The following TRIO variants were observed in gnomAD, a reference collection of about 807,000 sequenced individuals.
TRIO encodes triple functional domain protein.
Under a neutral mutation model 351.9 loss-of-function variants are expected in TRIO, and 58 were observed. That is an observed-to-expected ratio of 0.16 (90% CI 0.13 to 0.21). TRIO has a LOEUF of 0.21. Among genes scored for constraint, TRIO ranks in the 10% least tolerant of loss-of-function variants. The pLI, the probability that TRIO is intolerant of heterozygous loss-of-function variation, is 1.00. For missense variants in TRIO, 3,201 were observed against 4,027.8 expected (o/e 0.79, Z 5.56); for synonymous variants, 1,758 against 1,595.7 (o/e 1.10, Z -2.42).
chr5:14,214,110 A>G (rs1459235730), intron 1 of TRIO, among the ~76,000 whole-genome samples: 1 of 152,192 alleles, frequency 6.6e-6, no homozygotes, highest in Non-Finnish European at 1.5e-5. Context: ...GTTTACTGTC[A>G]TGTGCTCCTG....
intron 1 of TRIO, among the ~76,000 whole-genome samples, chr5:14,219,148 G>A (rs895003825): frequency 1.3e-5 from 2 of 152,156 alleles, no homozygotes; most frequent in Admixed American, 1.3e-4. Flanking sequence ...CAGAGCCAGT[G>A]GCATAAGAAA....
intron 9 of TRIO, among the ~76,000 whole-genome samples, chr5:14,328,248 T>C (rs1740576207): frequency 6.6e-6 from 1 of 152,178 alleles, no homozygotes; most frequent in African/African-American, 2.4e-5. Flanking sequence ...GTTAAAACAA[T>C]GTGCAAGTTA....
chr5:14,371,968 T>C (rs185289904), intron 18 of TRIO, among the ~76,000 whole-genome samples: 185 of 152,306 alleles, frequency 1.2e-3, no homozygotes, highest in African/African-American at 4.2e-3. Context: ...TACATGGTTT[T>C]AATTAAAATT....
chr5:14,225,795 C>CCG, intron 1 of TRIO, among the ~76,000 whole-genome samples: 1 of 128,676 alleles, frequency 7.8e-6, no homozygotes, highest in South Asian at 2.9e-4. Flanking sequence ...TGCTCCCACC[C>CCG]CCCCCCCCAC....
intron 34 of TRIO, among the ~76,000 whole-genome samples, chr5:14,435,426 GCATTTCCCC>G (rs1164242566): frequency 1.4e-4 from 21 of 152,136 alleles, no homozygotes; most frequent in Non-Finnish European, 2.9e-5. Flanking sequence ...AGCATCTGCA[GCATTTCCCC>G]CACTGTAAAG....
At chr5:14,501,443 A>G (rs962252554) in intron 53 of TRIO, among the ~76,000 whole-genome samples, 4 of 152,260 alleles carry the variant, frequency 2.6e-5, no homozygotes, top group Non-Finnish European at 5.9e-5. Context: ...GGGAGGCTGC[A>G]GAGGTGGATC....
At chr5:14,288,562 GA>G (rs1736642178) in intron 4 of TRIO, among the ~76,000 whole-genome samples, 1 of 152,106 alleles carries the variant, frequency 6.6e-6, no homozygotes. Context: ...AGCTACTTGG[GA>G]GGCTGAGGCA....
At chr5:14,229,081 A>T (rs1268727390) in intron 1 of TRIO, among the ~76,000 whole-genome samples, 11 of 152,172 alleles carry the variant, frequency 7.2e-5, no homozygotes, top group Admixed American at 6.5e-4. Context: ...TGTAATATTG[A>T]TTATGATATA....
intron 33 of TRIO, among the ~76,000 whole-genome samples, chr5:14,418,460 G>C (rs12332644): frequency 0.23 from 34,803 of 152,084 alleles, 8,892 homozygotes; most frequent in African/African-American, 0.64. Context: ...GGAGAGCCGC[G>C]CAACATCTGC....
chr5:14,404,861 A>T (rs1262413891), intron 31 of TRIO, among the ~76,000 whole-genome samples: 1 of 152,180 alleles, frequency 6.6e-6, no homozygotes, highest in Non-Finnish European at 1.5e-5. Context: ...TCCTTTCCCA[A>T]CATGGGCTTT....
At chr5:14,395,810 C>A (rs1408966387) in intron 28 of TRIO, among the ~76,000 whole-genome samples, 1 of 152,134 alleles carries the variant, frequency 6.6e-6, no homozygotes, top group Non-Finnish European at 1.5e-5. Context: ...CTTTGGGAGG[C>A]CGAGGCAGGC....
At position 14,481,282 on chromosome 5, in the gene TRIO, G is replaced by C; in HGVS notation, c.6385G>C (p.Glu2129Gln). The change falls in exon 44 of 57, where the codon GAG (glutamate) becomes CAG (glutamine). Residue 2129 changes from glutamate to glutamine, a missense_variant and splice_region_variant. Around this residue, in one of 19 missense-constraint regions of TRIO, gnomAD observed 307 missense variants for 396.5 expected, o/e 0.77. Coordinates refer to ENST00000344204, the MANE Select transcript of TRIO (RefSeq NM_007118.4). Reference protein sequence around the residue: ...KKASLDTSELERAVEVMCIVP... With the variant: ...KKASLDTSELQRAVEVMCIVP... ...GGCCAGCCTGGATACATCAGAATTA[G>C]AGGTACATGCATCAGCGGCTGTGGG... 6.2e-7 allele frequency: 1 copy of C among 1,614,008 alleles called. No homozygotes were observed. Among genetic ancestry groups the C allele is most frequent in the Non-Finnish European group, 8.5e-7 (1 of 1,179,970 alleles).
intron 11 of TRIO, among the ~76,000 whole-genome samples, chr5:14,341,020 G>T (rs1318791817): frequency 6.6e-6 from 1 of 152,112 alleles, no homozygotes; most frequent in Non-Finnish European, 1.5e-5. Flanking sequence ...CTGGTGCTTT[G>T]TTCTGTTTTT....
rs1757379623 is a variant in TRIO at position 14,502,662 on chromosome 5, G to T, written c.8411+5G>T. On this transcript the variant is annotated splice_donor_5th_base_variant and intron_variant, in intron 54 of 56. Transcript: ENST00000344204. ...TGAAGTGGCTGAGCTTGGCAGGTAT[G>T]ATGCACAACCCAGAACGCCTTCCGA... The T allele has an allele frequency of 4.3e-6, 7 of 1,614,154 alleles. No homozygotes were observed. In the African/African-American group the frequency reaches 5.3e-5, roughly 12 times the overall value.
intron 9 of TRIO, among the ~76,000 whole-genome samples, 160 bp downstream of exon 9, chr5:14,316,903 C>A (rs192739923): frequency 2.0e-5 from 3 of 152,124 alleles, no homozygotes; most frequent in African/African-American, 7.2e-5. Context: ...GGCTTAGGAA[C>A]GCGTGTTCAG....
chr5:14,230,230 ATAT>A (rs1480343352), intron 1 of TRIO, among the ~76,000 whole-genome samples: 17 of 152,182 alleles, frequency 1.1e-4, no homozygotes, highest in African/African-American at 4.1e-4. Context: ...CTCCTGAAAA[ATAT>A]TGTGTATAAA....
At chr5:14,481,448 G>A (rs1579782270) in intron 44 of TRIO, 93 bp from the exon 45 acceptor site, 1 of 1,517,140 alleles carries the variant, frequency 6.6e-7, no homozygotes, top group African/African-American at 1.4e-5. Flanking sequence ...AGGGTGGGGA[G>A]GAAGAACAGA....
At chr5:14,382,517 G>C (rs1746196891) in intron 21 of TRIO, among the ~76,000 whole-genome samples, 1 of 152,152 alleles carries the variant, frequency 6.6e-6, no homozygotes, top group Non-Finnish European at 1.5e-5. Context: ...CCGGCCCAGG[G>C]TGGGGGTGTG....
At chr5:14,398,227 C>A (rs1296261396) in intron 29 of TRIO, among the ~76,000 whole-genome samples, 2 of 152,150 alleles carry the variant, frequency 1.3e-5, no homozygotes, top group South Asian at 2.1e-4. Context: ...CTTTACTAAG[C>A]CCTGGTGGCT....
Sources: gnomAD v4.1 joint callset for allele counts (sites outside exome capture counted in the v4.1 genomes callset) on GRCh38, gnomAD v4.1.1 for gene constraint, gnomAD v4.1.1 regional missense constraint, MANE v1.5 for transcripts, NCBI Gene and HGNC (gene_info 2026-07-23, HGNC 2026-07-21) for gene names.